The following EPHA6 variants were observed in gnomAD, a reference collection of about 807,000 sequenced individuals.
The protein encoded by EPHA6 is EPH receptor A6.
EPHA6 carries 50 observed loss-of-function variants against 112.0 expected under a neutral mutation model. The observed-to-expected ratio is 0.45, with a 90% CI of 0.36 to 0.56. The LOEUF is 0.56. Among genes scored for constraint, EPHA6 ranks in the 20% least tolerant of loss-of-function variants. The probability of loss-of-function intolerance (pLI) is 0.00; values close to 1 mark genes in which losing one functional copy is unlikely to be tolerated. For missense variants in EPHA6, 1,280 were observed against 1,417.4 expected, an observed-to-expected ratio of 0.90 and a Z score of 1.56; for synonymous variants, 529 against 490.7, an observed-to-expected ratio of 1.08 and a Z score of -1.03.
intron 2 of EPHA6, among the ~76,000 whole-genome samples, chr3:96,902,603 T>C (rs2038678577): frequency 6.6e-6 from 1 of 152,158 alleles, no homozygotes; most frequent in South Asian, 2.1e-4. Context: ...AGGCTATTGA[T>C]GGAGTCCACA....
chr3:97,422,181 T>TTTAGA (rs2088711512), intron 6 of EPHA6, among the ~76,000 whole-genome samples: 1 of 148,224 alleles, frequency 6.7e-6, no homozygotes, highest in Non-Finnish European at 1.5e-5. Flanking sequence ...AAAAACTTTA[T>TTTAGA]TTAGATTGTC....
At chr3:97,119,789 G>A (rs2047991990) in intron 3 of EPHA6, among the ~76,000 whole-genome samples, 1 of 151,970 alleles carries the variant, frequency 6.6e-6, no homozygotes, top group Admixed American at 6.6e-5. Context: ...ACTTTAATCT[G>A]TCAAATGGTT....
chr3:97,067,537 A>AATATATATATAT (rs10544034), intron 3 of EPHA6, among the ~76,000 whole-genome samples: 31 of 148,012 alleles, frequency 2.1e-4, no homozygotes, highest in African/African-American at 6.7e-4. Context: ...TTATCAGGAA[A>AATATATATATAT]ATATATATAT....
intron 4 of EPHA6, among the ~76,000 whole-genome samples, chr3:97,240,990 A>G (rs1235910531): frequency 2.6e-5 from 4 of 151,968 alleles, no homozygotes; most frequent in East Asian, 3.9e-4. Flanking sequence ...AACAAAAATC[A>G]TAGCACACCT....
intron 13 of EPHA6, among the ~76,000 whole-genome samples, chr3:97,622,417 T>G (rs1017964008): frequency 6.6e-6 from 1 of 151,844 alleles, no homozygotes; most frequent in Non-Finnish European, 1.5e-5. Context: ...TTGAAGTGTA[T>G]GTCAGAATCT....
intron 3 of EPHA6, among the ~76,000 whole-genome samples, chr3:97,223,499 G>A (rs145748262): frequency 6.6e-6 from 1 of 152,328 alleles, no homozygotes; most frequent in African/African-American, 2.4e-5. Flanking sequence ...AAAGGCCAGT[G>A]TGGCTAGAGC....
At chr3:96,955,664 G>A (rs2041729895) in intron 2 of EPHA6, among the ~76,000 whole-genome samples, 1 of 152,124 alleles carries the variant, frequency 6.6e-6, no homozygotes, top group Non-Finnish European at 1.5e-5. Context: ...TAAAGGTTGA[G>A]GTTGGTACTG....
At chr3:97,227,115 T>C (rs112123937) in intron 4 of EPHA6, among the ~76,000 whole-genome samples, 7,372 of 152,154 alleles carry the variant, frequency 0.048, 617 homozygotes, top group African/African-American at 0.17. Flanking sequence ...TGCTAAGTTA[T>C]GCAAAAGTAA....
intron 1 of EPHA6, among the ~76,000 whole-genome samples, chr3:96,820,767 A>G (rs2033190575): frequency 1.3e-5 from 2 of 152,050 alleles, no homozygotes; most frequent in Non-Finnish European, 2.9e-5. Context: ...ATGCAATTTG[A>G]TTCATTTCTG....
chr3:96,920,234 A>G (rs1048501027), intron 2 of EPHA6, among the ~76,000 whole-genome samples: 12 of 152,088 alleles, frequency 7.9e-5, no homozygotes, highest in African/African-American at 2.6e-4. Context: ...ACAGCCAAAG[A>G]TGATTGAATT....
chr3:97,365,309 A>G lies in EPHA6; in HGVS notation c.1607-39841A>G, dbSNP rs2084652128. ...CAGTAGATGAGCCTCGAGTTCTATA[A>G]TATTCTATTTTATTTCTTCCAAATA... On this transcript the variant is annotated intron_variant, in intron 5 of 17. Transcript: ENST00000389672. Among the ~76,000 whole-genome samples, 3 of 152,184 alleles carry G rather than the reference A, an allele frequency of 2.0e-5. No individual in the cohort carries two copies. The South Asian group carries it at 6.2e-4, about 31-fold the overall frequency.
At chr3:97,568,254 C>T (rs137926628) in intron 11 of EPHA6, among the ~76,000 whole-genome samples, 1 of 152,314 alleles carries the variant, frequency 6.6e-6, no homozygotes, top group African/African-American at 2.4e-5. Context: ...CATCAATCAT[C>T]ATTTCTTTCC....
At chr3:97,381,900 G>T (rs534942227) in intron 5 of EPHA6, among the ~76,000 whole-genome samples, 2 of 151,940 alleles carry the variant, frequency 1.3e-5, no homozygotes, top group South Asian at 2.1e-4. Context: ...AACATGGGAC[G>T]CACTTAATAA....
chr3:97,599,230 G>C (rs182252502), intron 12 of EPHA6, among the ~76,000 whole-genome samples: 2,035 of 149,698 alleles, frequency 0.014, 24 homozygotes, highest in Non-Finnish European at 0.021. Context: ...TGTTCACTCT[G>C]ATGGTAGTTT....
intron 3 of EPHA6, among the ~76,000 whole-genome samples, chr3:97,134,122 T>C (rs891002795): frequency 2.0e-5 from 3 of 151,990 alleles, no homozygotes; most frequent in African/African-American, 2.4e-5. Flanking sequence ...AATGAAGAGA[T>C]TTGATGTAAA....
intron 14 of EPHA6, among the ~76,000 whole-genome samples, chr3:97,708,403 A>G (rs944368322): frequency 1.3e-5 from 2 of 152,226 alleles, no homozygotes; most frequent in Non-Finnish European, 2.9e-5. Flanking sequence ...AGAATTAAAG[A>G]TGTGACCTGG....
intron 2 of EPHA6, among the ~76,000 whole-genome samples, chr3:96,953,647 T>C (rs932900095): frequency 3.9e-5 from 6 of 152,110 alleles, no homozygotes; most frequent in Admixed American, 3.9e-4. Flanking sequence ...AAGATAAAAA[T>C]GGGCCAGTTC....
intron 3 of EPHA6, among the ~76,000 whole-genome samples, chr3:97,112,303 C>T (rs2047747322): frequency 6.6e-6 from 1 of 152,074 alleles, no homozygotes; most frequent in Non-Finnish European, 1.5e-5. Flanking sequence ...AAAGCTGTCA[C>T]TTATTAAAAC....
chr3:97,237,365 T>A (rs891415951), intron 4 of EPHA6, among the ~76,000 whole-genome samples: 1 of 152,076 alleles, frequency 6.6e-6, no homozygotes, highest in African/African-American at 2.4e-5. Context: ...TACTGATAGA[T>A]ATCACTTGAG....
Sources: allele counts gnomAD v4.1 joint callset (sites outside exome capture counted in the v4.1 genomes callset), GRCh38; gene constraint gnomAD v4.1.1; transcripts MANE v1.5; gene names NCBI Gene and HGNC (gene_info 2026-07-23, HGNC 2026-07-21).